NOS1AP: variants seen among roughly 807,000 people sequenced by gnomAD.
The protein encoded by NOS1AP is carboxyl-terminal PDZ ligand of neuronal nitric oxide synthase protein.
In NOS1AP, 21 loss-of-function variants were observed where a neutral mutation model predicts 56.2. The observed-to-expected ratio is 0.37, with a 90% confidence interval of 0.26 to 0.54. The LOEUF is 0.54. Among genes scored for constraint, NOS1AP ranks in the 20% least tolerant of loss-of-function variants. The pLI, the probability that NOS1AP is intolerant of heterozygous loss-of-function variation, is 0.84. For synonymous variants in NOS1AP, 270 were observed against 274.6 expected (o/e 0.98, Z 0.17); for missense variants, 522 against 657.8 (o/e 0.79, Z 2.26).
intron 2 of NOS1AP, among the ~76,000 whole-genome samples, chr1:162,266,560 A>G (rs1247594516): frequency 6.6e-6 from 1 of 152,224 alleles, no homozygotes; most frequent in South Asian, 2.1e-4. Context: ...CCAATCTAAT[A>G]CTGGTTGTAA....
chr1:162,299,225 C>G (rs1295737121), intron 3 of NOS1AP, among the ~76,000 whole-genome samples: 1 of 152,108 alleles, frequency 6.6e-6, no homozygotes, highest in African/African-American at 2.4e-5. Flanking sequence ...ATAAACCAAT[C>G]TGCTGGGTTA....
intron 1 of NOS1AP, among the ~76,000 whole-genome samples, chr1:162,151,876 A>T (rs1284255628): frequency 6.6e-6 from 1 of 152,056 alleles, no homozygotes; most frequent in Non-Finnish European, 1.5e-5. Flanking sequence ...GTACATGTAC[A>T]TGCGCACCAT....
At chr1:162,143,017 C>T (rs545320353) in intron 1 of NOS1AP, among the ~76,000 whole-genome samples, 1 of 152,214 alleles carries the variant, frequency 6.6e-6, no homozygotes, top group South Asian at 2.1e-4. Flanking sequence ...ACTGCAGACC[C>T]CACATTCCCA....
At chr1:162,084,991 G>T (rs1431267030) in intron 1 of NOS1AP, among the ~76,000 whole-genome samples, 1 of 152,064 alleles carries the variant, frequency 6.6e-6, no homozygotes, top group African/African-American at 2.4e-5. Flanking sequence ...TATTTTTCTG[G>T]AGTGGAGCTG....
intron 5 of NOS1AP, among the ~76,000 whole-genome samples, chr1:162,342,975 A>G (rs1195294539): frequency 1.3e-5 from 2 of 152,144 alleles, no homozygotes; most frequent in African/African-American, 2.4e-5. Context: ...TAAATAAACC[A>G]CATCACTCAT....
rs145244201 is a variant in NOS1AP, at chr1:162,095,419, C to A, written c.105+25137C>A. 2.0e-5 allele frequency among the ~76,000 whole-genome samples: 3 copies of A among 152,240 alleles called. No individual in the cohort carries two copies. The East Asian group carries it at 5.8e-4, about 29-fold the overall frequency. Reference sequence around the variant, plus strand: ...ATCTCAGACTTCTCAGTCTTCAGAACTGGGAGGAATAAACTTCTATTGTCT... The same window carrying A: ...ATCTCAGACTTCTCAGTCTTCAGAAATGGGAGGAATAAACTTCTATTGTCT... On this transcript the variant is annotated intron_variant, in intron 1 of 9. Transcript: ENST00000361897.
chr1:162,348,085 G>GA (rs1480382460), intron 6 of NOS1AP, among the ~76,000 whole-genome samples: 1 of 152,176 alleles, frequency 6.6e-6, no homozygotes, highest in East Asian at 1.9e-4. Flanking sequence ...TGTCTTTAGT[G>GA]GAGTGTGAGC....
At chr1:162,226,311 T>C (rs1363511533) in intron 2 of NOS1AP, among the ~76,000 whole-genome samples, 3 of 152,116 alleles carry the variant, frequency 2.0e-5, no homozygotes, top group Admixed American at 2.0e-4. Context: ...TGTTTATTGA[T>C]TACCTGCTAT....
chr1:162,199,329 G>T (rs576846746), intron 2 of NOS1AP, among the ~76,000 whole-genome samples: 1 of 152,178 alleles, frequency 6.6e-6, no homozygotes, highest in Non-Finnish European at 1.5e-5. Flanking sequence ...CTGCATGCCG[G>T]TTACGTCCTC....
At chr1:162,232,384 TCA>T (rs1307255789) in intron 2 of NOS1AP, among the ~76,000 whole-genome samples, 1 of 152,240 alleles carries the variant, frequency 6.6e-6, no homozygotes, top group African/African-American at 2.4e-5. Context: ...CTCTTGGGGA[TCA>T]GAGAATTAAA....
intron 2 of NOS1AP, among the ~76,000 whole-genome samples, chr1:162,285,666 C>T (rs889723761): frequency 2.0e-5 from 3 of 152,184 alleles, no homozygotes; most frequent in Admixed American, 6.5e-5. Flanking sequence ...CTCTGCCTCC[C>T]GTTTCCCCTT....
At chr1:162,217,543 G>A (rs183263629) in intron 2 of NOS1AP, among the ~76,000 whole-genome samples, 363 of 152,180 alleles carry the variant, frequency 2.4e-3, no homozygotes, top group Non-Finnish European at 4.3e-3. Flanking sequence ...GGGATTACAG[G>A]CGTGAGCCAC....
chr1:162,163,480 C>T (rs967625260), intron 2 of NOS1AP, among the ~76,000 whole-genome samples: 1 of 152,148 alleles, frequency 6.6e-6, no homozygotes, highest in African/African-American at 2.4e-5. Context: ...TCTGGGGATA[C>T]AGCAGTCTAC....
At position 162,369,054 on chromosome 1, in the gene NOS1AP, T is replaced by C. The variant is rs1477155113; in HGVS notation, c.*1587T>C. The C allele has an allele frequency of 1.3e-5, 2 of 152,060 alleles. No homozygotes were observed. Among genetic ancestry groups the C allele is most frequent in the Non-Finnish European group, 2.9e-5 (2 of 68,022 alleles). The allele number at this position is 152,060 out of a possible 1,614,324, so 9.4% of individuals were successfully genotyped here. A position where few individuals can be genotyped will look rare whatever the true frequency, so the allele number is the denominator to read the frequency against. On this transcript the variant is annotated 3_prime_UTR_variant, in exon 10 of 10. Coordinates refer to ENST00000361897, the MANE Select transcript of NOS1AP (RefSeq NM_014697.3). Reference sequence around the variant, plus strand: ...TGGTGCATCAGGGTGTCAGTGGAAATAGGATCAGGTGGTGTGTGTGTGTGT... The same window carrying C: ...TGGTGCATCAGGGTGTCAGTGGAAACAGGATCAGGTGGTGTGTGTGTGTGT...
At chr1:162,107,000 A>AGGG (rs3083572) in intron 1 of NOS1AP, among the ~76,000 whole-genome samples, 17,567 of 152,158 alleles carry the variant, frequency 0.12, 2,247 homozygotes, top group African/African-American at 0.31. Context: ...AAAAAGCTGC[A>AGGG]ATGACTGAAA....
At chr1:162,288,388 C>T (rs914746380) in intron 3 of NOS1AP, among the ~76,000 whole-genome samples, 3 of 152,114 alleles carry the variant, frequency 2.0e-5, no homozygotes, top group African/African-American at 7.2e-5. Context: ...TAAAGCAGAC[C>T]TTGAATGTCG....
intron 6 of NOS1AP, among the ~76,000 whole-genome samples, chr1:162,348,576 A>G (rs1657378137): frequency 6.6e-6 from 1 of 152,216 alleles, no homozygotes; most frequent in Admixed American, 6.5e-5. Flanking sequence ...GAAAAATGGA[A>G]TTGATATTCT....
At chr1:162,193,733 C>T (rs1651716057) in intron 2 of NOS1AP, among the ~76,000 whole-genome samples, 1 of 152,014 alleles carries the variant, frequency 6.6e-6, no homozygotes, top group Admixed American at 6.6e-5. Context: ...GAAAAGGGGC[C>T]CTTTTCAGAA....
At chr1:162,249,339 A>G (rs1202271729) in intron 2 of NOS1AP, among the ~76,000 whole-genome samples, 1 of 152,208 alleles carries the variant, frequency 6.6e-6, no homozygotes, top group Admixed American at 6.5e-5. Flanking sequence ...GTGACCATCT[A>G]TGGATCAAAA....
Sources: gnomAD v4.1 joint callset for allele counts (sites outside exome capture counted in the v4.1 genomes callset) on GRCh38, gnomAD v4.1.1 for gene constraint, MANE v1.5 for transcripts, NCBI Gene and HGNC (gene_info 2026-07-23, HGNC 2026-07-21) for gene names.